Variants in PPFIA1 observed in about 807,000 individuals in gnomAD.
The protein encoded by PPFIA1 is liprin-alpha-1.
PPFIA1 carries 25 observed loss-of-function variants against 149.9 expected under a neutral mutation model. The ratio of observed to expected loss-of-function variants is 0.17; its 90% CI spans 0.12 to 0.23. PPFIA1 has a LOEUF of 0.23. PPFIA1 is among the 10% of genes least tolerant of loss of function. PPFIA1 has a pLI of 1.00. For synonymous variants in PPFIA1, 549 were observed against 552.8 expected, an observed-to-expected ratio of 0.99 and a Z score of 0.10; for missense variants, 1,362 against 1,506.5, an observed-to-expected ratio of 0.90 and a Z score of 1.59.
chr11:70,359,057 A>G (rs1017002868), intron 19 of PPFIA1, among the ~76,000 whole-genome samples: 19 of 152,216 alleles, frequency 1.2e-4, no homozygotes, highest in Admixed American at 3.9e-4. Flanking sequence ...CACAGGCTCT[A>G]TGCTGAGCTT....
At chr11:70,339,066 T>C in intron 13 of PPFIA1, 105 bp from the exon 14 acceptor site, 1 of 1,386,558 alleles carries the variant, frequency 7.2e-7, no homozygotes, top group South Asian at 1.4e-5. Context: ...GGAGACCCTT[T>C]CCTGTGTGGA....
chr11:70,348,183 T>A lies in PPFIA1; in HGVS notation c.1932-6T>A, dbSNP rs1381948912. The A allele has an allele frequency of 3.1e-6, 5 of 1,614,036 alleles. No individual in the cohort carries two copies. Among genetic ancestry groups the A allele is most frequent in the Non-Finnish European group, 4.2e-6 (5 of 1,179,890 alleles). Reference sequence around the variant, plus strand: ...AGGAGGACTGACTGCTTTTGTTTTATTTTAGGTTGATTCAGGAAGAAAAAG... The same window carrying A: ...AGGAGGACTGACTGCTTTTGTTTTAATTTAGGTTGATTCAGGAAGAAAAAG... On this transcript the variant is annotated splice_region_variant and splice_polypyrimidine_tract_variant and intron_variant, in intron 15 of 27. Coordinates refer to ENST00000253925, the MANE Select transcript of PPFIA1 (RefSeq NM_003626.5).
rs114145867 is a variant in PPFIA1 at position 70,343,377 on chromosome 11, C to T, written c.1708-292C>T. On this transcript the variant is annotated intron_variant, in intron 14 of 27. Transcript: ENST00000253925. ...TCCTCCCCCTGCCCACCCTTCCCGG[C>T]TGATTTTCGGTTTTTGTTTCTGACT... Among the ~76,000 whole-genome samples, 317 of 152,306 alleles carry T rather than the reference C, an allele frequency of 2.1e-3. 3 individuals are homozygous for T. Among genetic ancestry groups the T allele is most frequent in the African/African-American group, 7.1e-3 (294 of 41,562 alleles).
chr11:70,298,945 G>A (rs1043281516), intron 2 of PPFIA1, among the ~76,000 whole-genome samples: 14 of 152,160 alleles, frequency 9.2e-5, no homozygotes, highest in African/African-American at 2.9e-4. Flanking sequence ...TTATTTAAAG[G>A]AACATGTTCT....
intron 16 of PPFIA1, among the ~76,000 whole-genome samples, 180 bp downstream of exon 16, chr11:70,348,600 C>G (rs2055861646): frequency 6.6e-6 from 1 of 152,196 alleles, no homozygotes; most frequent in African/African-American, 2.4e-5. Context: ...ATATCTGGGG[C>G]CGGGCGTGGT....
chr11:70,339,560 T>C (rs1204903995), intron 14 of PPFIA1, among the ~76,000 whole-genome samples: 1 of 152,086 alleles, frequency 6.6e-6, no homozygotes, highest in Non-Finnish European at 1.5e-5. Flanking sequence ...CCTCACACAG[T>C]CCTCTTGCCT....
chr11:70,307,730 G>A (rs1027047824), intron 2 of PPFIA1, among the ~76,000 whole-genome samples: 4 of 151,942 alleles, frequency 2.6e-5, no homozygotes, highest in African/African-American at 9.7e-5. Context: ...GACCAACCTG[G>A]GCAACATAGA....
intron 21 of PPFIA1, among the ~76,000 whole-genome samples, chr11:70,367,238 T>C (rs1188598005): frequency 7.9e-5 from 12 of 152,196 alleles, no homozygotes; most frequent in Non-Finnish European, 1.8e-4. Flanking sequence ...CGTATCACTT[T>C]TCCCTCCTTC....
chr11:70,325,413 A>G, intron 4 of PPFIA1, 87 bp from the exon 5 acceptor site: 1 of 767,720 alleles, frequency 1.3e-6, no homozygotes. Context: ...ATATACATTA[A>G]GTGTATATAT....
intron 2 of PPFIA1, among the ~76,000 whole-genome samples, chr11:70,298,674 A>G (rs1161516287): frequency 6.6e-6 from 1 of 152,170 alleles, no homozygotes; most frequent in Non-Finnish European, 1.5e-5. Flanking sequence ...GCTGCTGCTC[A>G]GAGGGCTTCC....
intron 2 of PPFIA1, among the ~76,000 whole-genome samples, chr11:70,315,386 A>C (rs2053546496): frequency 6.6e-6 from 1 of 152,180 alleles, no homozygotes; most frequent in South Asian, 2.1e-4. Context: ...CCTGCCATCT[A>C]TCTATGGACT....
At position 70,326,765 on chromosome 11, in the gene PPFIA1, G is replaced by T. The variant is rs1238604218; in HGVS notation, c.877G>T (p.Asp293Tyr). Reference protein sequence around the residue: ...LEEDLDTARKDLIKSEEMNTK... With the variant: ...LEEDLDTARKYLIKSEEMNTK... ...AGAGGATCTGGACACGGCTAGAAAA[G>T]ATCTCATCAAATCTGAAGAAATGAA... is the stretch of plus-strand genomic sequence containing the variant. Residue 293 changes from aspartate (D) to tyrosine (Y), a missense_variant, in exon 7 of 28, where the codon GAT becomes TAT. By Grantham distance (160) the Asp-to-Tyr change is radical. Around this residue, in one of 7 missense-constraint regions of PPFIA1, gnomAD observed 733 missense variants for 744.1 expected, o/e 0.99. Transcript: ENST00000253925. 2 of 1,614,156 alleles carry T rather than the reference G, an allele frequency of 1.2e-6. No homozygotes were observed. The highest frequency in any genetic ancestry group is 3.3e-5 in the Admixed American group (2 of 60,018).
At chr11:70,312,977 C>A (rs907291568) in intron 2 of PPFIA1, among the ~76,000 whole-genome samples, 2 of 152,186 alleles carry the variant, frequency 1.3e-5, no homozygotes, top group African/African-American at 4.8e-5. Context: ...GAAATGGCCT[C>A]AAGCTGTGAA....
intron 19 of PPFIA1, among the ~76,000 whole-genome samples, chr11:70,356,868 G>A (rs1041240950): frequency 6.6e-6 from 1 of 152,120 alleles, no homozygotes; most frequent in Admixed American, 6.6e-5. Context: ...TTTATAGCCC[G>A]TTTATTCAGC....
At chr11:70,285,456 C>A (rs567582996) in intron 2 of PPFIA1, among the ~76,000 whole-genome samples, 4 of 152,022 alleles carry the variant, frequency 2.6e-5, no homozygotes, top group Admixed American at 1.3e-4. Context: ...CCGAGATGGG[C>A]AGATCACGAG....
At chr11:70,315,971 A>G (rs2053600497) in intron 2 of PPFIA1, among the ~76,000 whole-genome samples, 1 of 152,086 alleles carries the variant, frequency 6.6e-6, no homozygotes, top group Non-Finnish European at 1.5e-5. Flanking sequence ...GTGGAATTCT[A>G]CAGTGTTTTG....
At position 70,360,605 on chromosome 11, in the gene PPFIA1, C is replaced by G. The variant is rs1207553350; in HGVS notation, c.2583-1490C>G. On this transcript the variant is annotated intron_variant, in intron 19 of 27. Transcript: ENST00000253925. ...AGCTCTACTGGCTGTCTTTGAGTGG[C>G]ATTTGTCCCAAGGGAACGGAAGGCA... 6.6e-5 allele frequency among the ~76,000 whole-genome samples: 10 copies of G among 152,248 alleles called. No homozygotes were observed. The East Asian group carries it at 1.9e-3, about 29-fold the overall frequency.
At chr11:70,288,024 C>A (rs145647020) in intron 2 of PPFIA1, among the ~76,000 whole-genome samples, 103 of 151,058 alleles carry the variant, frequency 6.8e-4, no homozygotes, top group African/African-American at 2.5e-3. Context: ...CGCTGGGGCT[C>A]AACATCTCTC....
At chr11:70,318,600 T>C (rs978799553) in intron 2 of PPFIA1, among the ~76,000 whole-genome samples, 1 of 152,224 alleles carries the variant, frequency 6.6e-6, no homozygotes, top group Non-Finnish European at 1.5e-5. Flanking sequence ...ACTGCAGAGT[T>C]CCTTGGAAGA....
Sources: gnomAD v4.1 joint callset for allele counts (sites outside exome capture counted in the v4.1 genomes callset) on GRCh38, gnomAD v4.1.1 for gene constraint, gnomAD v4.1.1 regional missense constraint, MANE v1.5 for transcripts, NCBI Gene and HGNC (gene_info 2026-07-23, HGNC 2026-07-21) for gene names.